MUCL1: variants seen among roughly 807,000 people sequenced by gnomAD.
The protein encoded by MUCL1 is mucin like 1.
Under a neutral mutation model 9.2 loss-of-function variants are expected in MUCL1, and 11 were observed. The ratio of observed to expected loss-of-function variants is 1.19; its 90% CI spans 0.75 to 1.97. The LOEUF is 1.97. Among genes scored for constraint, MUCL1 ranks in the 30% most tolerant of loss-of-function variants. MUCL1 has a pLI of 0.00. For missense variants in MUCL1, 144 were observed against 110.9 expected, an observed-to-expected ratio of 1.30 and a Z score of -1.34; for synonymous variants, 48 against 40.5, an observed-to-expected ratio of 1.19 and a Z score of -0.71.
rs148032746 is a variant in MUCL1 at position 54,856,877 on chromosome 12, C to T, written c.208C>T (p.Arg70Cys). ...AACCACCGCTGCTTCTACCACTGCT[C>T]GTAAAGACATTCCAGGTAGCAAGAC... Reference protein sequence around the residue: ...TATTAASTTARKDIPVLPKWV... With the variant: ...TATTAASTTACKDIPVLPKWV... The change falls in exon 3 of 4, where the codon CGT becomes TGT. Residue 70 changes from arginine (R) to cysteine (C), a missense_variant. Physicochemically the swap from Arg to Cys is radical, Grantham distance 180 (BLOSUM62 -3). Transcript: ENST00000308796. 4.1e-5 allele frequency: 66 copies of T among 1,613,768 alleles called. No homozygotes were observed. In the African/African-American group the frequency reaches 4.5e-4, roughly 11 times the overall value.
chr12:54,855,127 ACAG>A lies in MUCL1; in HGVS notation c.72_74del (p.Ala26del). ...TTCTTCTCTTTCAGAGAATCCGACA[ACAG>A]CTGCTCCAGCTGACACGTATCCAGC... On this transcript the variant is annotated inframe_deletion, in exon 2 of 4. Coordinates refer to ENST00000308796, the MANE Select transcript of MUCL1 (RefSeq NM_058173.3). 1 of 1,613,308 alleles carries A rather than the reference ACAG, an allele frequency of 6.2e-7. No homozygotes were observed. Among genetic ancestry groups the A allele is most frequent in the Non-Finnish European group, 8.5e-7 (1 of 1,179,608 alleles).
At chr12:54,853,888 A>G (rs1414787686), upstream of MUCL1, among the ~76,000 whole-genome samples, 1 of 152,226 alleles carries the variant, frequency 6.6e-6, no homozygotes, top group Non-Finnish European at 1.5e-5. Flanking sequence ...ATGAATTAAC[A>G]AATGTTAGTT....
At chr12:54,844,784 G>A (rs1243007187) in intron 1 of MUCL1, among the ~76,000 whole-genome samples, 1 of 152,148 alleles carries the variant, frequency 6.6e-6, no homozygotes, top group African/African-American at 2.4e-5. Flanking sequence ...TTTGTCCAAA[G>A]CCAAAGCTAC....
chr12:54,851,640 T>C (rs557893625), upstream of MUCL1, among the ~76,000 whole-genome samples: 3 of 152,270 alleles, frequency 2.0e-5, no homozygotes, highest in African/African-American at 7.2e-5. Flanking sequence ...TTCAACGTAG[T>C]GTTGGAAGTT....
rs756832073 is a variant in MUCL1, at chr12:54,858,226, G to C, written c.257G>C (p.Gly86Ala). 8 of 1,613,514 alleles carry C rather than the reference G, an allele frequency of 5.0e-6. No homozygotes were observed. The highest frequency in any genetic ancestry group is 8.5e-7 in the Non-Finnish European group (1 of 1,179,606). ...LPKWVGDLPN[G>A]RVCP ...AAATGGGTTGGGGATCTCCCGAATGGTAGAGTGTGTCCCTGAGATGGAATC... is the reference window on the plus strand; with the variant it reads ...AAATGGGTTGGGGATCTCCCGAATGCTAGAGTGTGTCCCTGAGATGGAATC... Residue 86 changes from glycine to alanine, a missense_variant, in exon 4 of 4, where the codon GGT becomes GCT. Coordinates refer to ENST00000308796, the MANE Select transcript of MUCL1 (RefSeq NM_058173.3).
upstream of MUCL1, among the ~76,000 whole-genome samples, chr12:54,835,087 C>G (rs1301929967): frequency 6.6e-6 from 1 of 152,170 alleles, no homozygotes; most frequent in African/African-American, 2.4e-5. Context: ...AACACTATTT[C>G]ATTCTCTTTT....
At chr12:54,852,937 ACT>A (rs1264520515), upstream of MUCL1, among the ~76,000 whole-genome samples, 1 of 152,056 alleles carries the variant, frequency 6.6e-6, no homozygotes, top group Non-Finnish European at 1.5e-5. Context: ...TATTATGACA[ACT>A]CTGTGCCTCA....
At chr12:54,854,668 A>G in intron 1 of MUCL1, 28 bp downstream of exon 1, 1 of 1,595,634 alleles carries the variant, frequency 6.3e-7, no homozygotes, top group Non-Finnish European at 8.6e-7. Context: ...CCTGAACATA[A>G]GTTTTGTGGG....
intron 1 of MUCL1, among the ~76,000 whole-genome samples, chr12:54,831,125 T>C (rs1592243966): frequency 1.3e-5 from 2 of 152,292 alleles, no homozygotes; most frequent in Non-Finnish European, 1.5e-5. Context: ...ACTTTGAAAA[T>C]GAAAGCACTA....
At chr12:54,841,369 T>C (rs1959210669) in intron 1 of MUCL1, among the ~76,000 whole-genome samples, 1 of 152,204 alleles carries the variant, frequency 6.6e-6, no homozygotes, top group South Asian at 2.1e-4. Flanking sequence ...ATAGATGTAT[T>C]GCTGGGTCAT....
At chr12:54,851,522 G>A (rs753078298), upstream of MUCL1, among the ~76,000 whole-genome samples, 51 of 152,216 alleles carry the variant, frequency 3.4e-4, no homozygotes, top group South Asian at 1.2e-3. Flanking sequence ...AATAATTAGA[G>A]CTATCTACGA....
In MUCL1 at chr12:54,845,043, G is replaced by T. The variant is rs116812711; in HGVS notation, c.43+5596G>T. Reference sequence around the variant, plus strand: ...GGCTGGAGGTAGAAATCATTTGGAGGATCCTTCAGACATATTTCTTGCACT... The same window carrying T: ...GGCTGGAGGTAGAAATCATTTGGAGTATCCTTCAGACATATTTCTTGCACT... On this transcript the variant is annotated intron_variant, in intron 1 of 3. Coordinates refer to the MUCL1 transcript ENST00000546809. Among the ~76,000 whole-genome samples the T allele has an allele frequency of 5.9e-3, 894 of 152,276 alleles. 7 individuals are homozygous for T. The highest frequency in any genetic ancestry group is 0.021 in the African/African-American group (857 of 41,548).
At chr12:54,831,910 G>T (rs1223420413) in intron 1 of MUCL1, among the ~76,000 whole-genome samples, 1 of 151,958 alleles carries the variant, frequency 6.6e-6, no homozygotes, top group Admixed American at 6.6e-5. Flanking sequence ...CTCTATAAAA[G>T]AAACCTTACT....
chr12:54,854,924 T>C (rs565378679), intron 1 of MUCL1, among the ~76,000 whole-genome samples, 192 bp from the exon 2 acceptor site: 87 of 152,242 alleles, frequency 5.7e-4, no homozygotes, highest in African/African-American at 2.0e-3. Flanking sequence ...AAAGGAAAAA[T>C]GACCACATAT....
intron 1 of MUCL1, 138 bp downstream of exon 1, chr12:54,854,778 C>A (rs532133339): frequency 2.8e-6 from 2 of 718,368 alleles, no homozygotes; most frequent in African/African-American, 1.8e-5. Context: ...TTTGACTGAC[C>A]GTTCAAGATG....
chr12:54,843,007 G>A (rs565809205), intron 1 of MUCL1, among the ~76,000 whole-genome samples: 20 of 152,242 alleles, frequency 1.3e-4, no homozygotes, highest in Admixed American at 3.3e-4. Flanking sequence ...AGTATTCAGT[G>A]TAGAAACATG....
At chr12:54,845,801 A>T (rs1239830706) in intron 1 of MUCL1, among the ~76,000 whole-genome samples, 2 of 152,164 alleles carry the variant, frequency 1.3e-5, no homozygotes, top group Non-Finnish European at 2.9e-5. Flanking sequence ...ATTTTCTTAC[A>T]TACCTACAGT....
chr12:54,833,732 A>T (rs1183682958), intron 1 of MUCL1, among the ~76,000 whole-genome samples: 1 of 151,718 alleles, frequency 6.6e-6, no homozygotes, highest in Non-Finnish European at 1.5e-5. Context: ...CAAAAAACCA[A>T]ACACCGCATG....
At chr12:54,855,632 A>G (rs938621551) in intron 2 of MUCL1, among the ~76,000 whole-genome samples, 10 of 152,150 alleles carry the variant, frequency 6.6e-5, no homozygotes, top group Admixed American at 5.9e-4. Context: ...ACTCTTTGTA[A>G]TGGTCTATAT....
Sources: allele counts gnomAD v4.1 joint callset (sites outside exome capture counted in the v4.1 genomes callset), GRCh38; gene constraint gnomAD v4.1.1; transcripts MANE v1.5; gene names NCBI Gene and HGNC (gene_info 2026-07-23, HGNC 2026-07-21).